The following NR2C1 variants were observed in gnomAD, a reference collection of about 807,000 sequenced individuals.
NR2C1 encodes TR2 nuclear hormone receptor.
A neutral mutation model predicts 74.8 loss-of-function variants in NR2C1; 33 were observed. That is an observed-to-expected ratio of 0.44 (90% CI 0.33 to 0.59). The LOEUF is 0.59. Among genes scored for constraint, NR2C1 ranks in the 20% least tolerant of loss-of-function variants. The pLI is 0.02. For synonymous variants in NR2C1, 225 were observed against 240.6 expected (o/e 0.94, Z 0.60); for missense variants, 568 against 715.6 (o/e 0.79, Z 2.35).
chr12:95,056,445 C>G, intron 7 of NR2C1, among the ~76,000 whole-genome samples: 1 of 152,124 alleles, frequency 6.6e-6, no homozygotes, highest in Non-Finnish European at 1.5e-5. Flanking sequence ...GACCCTTGGT[C>G]TAACATAGAG....
At chr12:95,057,291 G>A (rs1367538851) in intron 7 of NR2C1, among the ~76,000 whole-genome samples, 5 of 151,682 alleles carry the variant, frequency 3.3e-5, no homozygotes, top group African/African-American at 4.8e-5. Context: ...TTTTACTGGA[G>A]ACGGGGTTTC....
chr12:95,041,612 T>C (rs1448535235), intron 9 of NR2C1, among the ~76,000 whole-genome samples: 1 of 152,212 alleles, frequency 6.6e-6, no homozygotes, highest in Non-Finnish European at 1.5e-5. Context: ...TTCTTTAAAA[T>C]GTCTGACCAC....
intron 11 of NR2C1, 113 bp downstream of exon 11, chr12:95,031,236 G>T: frequency 1.2e-6 from 1 of 829,760 alleles, no homozygotes; most frequent in Non-Finnish European, 1.7e-6. Flanking sequence ...GAAGAGCATT[G>T]GTACCTAAAA....
chr12:95,069,615 G>A (rs1241550472), intron 1 of NR2C1, among the ~76,000 whole-genome samples: 1 of 152,156 alleles, frequency 6.6e-6, no homozygotes, highest in Non-Finnish European at 1.5e-5. Flanking sequence ...ACTTAGGGAT[G>A]CTTTTCTCAG....
chr12:95,064,298 C>A, intron 2 of NR2C1, among the ~76,000 whole-genome samples: 1 of 147,054 alleles, frequency 6.8e-6, no homozygotes, highest in South Asian at 2.1e-4. Context: ...CAATGCACTC[C>A]AGCCTGGGTG....
chr12:95,069,544 G>GT (rs906943462), intron 1 of NR2C1, among the ~76,000 whole-genome samples: 1 of 152,192 alleles, frequency 6.6e-6, no homozygotes, highest in African/African-American at 2.4e-5. Flanking sequence ...TATGTGTATG[G>GT]TAAGTTATAC....
intron 10 of NR2C1, among the ~76,000 whole-genome samples, chr12:95,036,272 T>TAAAAAAA (rs368229386): frequency 2.4e-5 from 3 of 127,210 alleles, no homozygotes; most frequent in African/African-American, 8.9e-5. Context: ...ATGTTGAGAT[T>TAAAAAAA]AAAAAAAAAA....
chr12:95,022,704 T>TG (rs986799963), intron 13 of NR2C1, among the ~76,000 whole-genome samples: 4 of 151,446 alleles, frequency 2.6e-5, no homozygotes, highest in African/African-American at 9.7e-5. Context: ...TATACAATTT[T>TG]TTTTTTTTTT....
rs1345984768 is a variant in NR2C1, at chr12:95,048,521, T to TA, written c.1131+546dup. 4.6e-5 allele frequency among the ~76,000 whole-genome samples: 7 copies of TA among 152,336 alleles called. No homozygotes were observed. The East Asian group carries it at 1.3e-3, about 29-fold the overall frequency. ...CCATTATCTTATCTACATAAGGCTT[T>TA]AGCCTCCTGCATAGATGCACACTAA... On this transcript the variant is annotated intron_variant, in intron 9 of 13. Transcript: ENST00000333003.
rs1240041838 is a variant in NR2C1 at position 95,051,892 on chromosome 12, A to C, written c.835T>G (p.Leu279Val). ...LSTLANVVTS[L>V]ANLGKTKDLS... is the part of the protein sequence containing the mutation. ...TCTTTAGTTTTTCCAAGATTCGCTA[A>C]TGATGTAACCACATTGGCCAATGTA... The change falls in exon 8 of 14, where the codon TTA becomes GTA. Residue 279 changes from leucine to valine, a missense_variant. Leu to Val is a conservative substitution (Grantham distance 32, BLOSUM62 1). Coordinates refer to ENST00000333003, the MANE Select transcript of NR2C1 (RefSeq NM_003297.4). 1 of 1,611,784 alleles carries C rather than the reference A, an allele frequency of 6.2e-7. No homozygotes were observed. The highest frequency in any genetic ancestry group is 1.1e-5 in the South Asian group (1 of 90,800).
chr12:95,025,540 C>A (rs139317308), intron 12 of NR2C1, among the ~76,000 whole-genome samples: 15 of 151,368 alleles, frequency 9.9e-5, no homozygotes, highest in African/African-American at 3.6e-4. Context: ...TGCCTGTAAT[C>A]CAAGCTACTC....
chr12:95,064,962 C>T (rs1481664132), intron 2 of NR2C1, among the ~76,000 whole-genome samples: 2 of 152,182 alleles, frequency 1.3e-5, no homozygotes, highest in Non-Finnish European at 2.9e-5. Context: ...ATAGTTCATA[C>T]TGACTTCTTA....
At chr12:95,057,325 G>A (rs1874066427) in intron 7 of NR2C1, among the ~76,000 whole-genome samples, 1 of 151,300 alleles carries the variant, frequency 6.6e-6, no homozygotes, top group East Asian at 2.0e-4. Context: ...GGCTGGTCTT[G>A]AACTTCTGAC....
intron 9 of NR2C1, among the ~76,000 whole-genome samples, chr12:95,047,725 T>C (rs1872487573): frequency 6.6e-6 from 1 of 152,218 alleles, no homozygotes; most frequent in Non-Finnish European, 1.5e-5. Context: ...TACATCTTGC[T>C]AAGAGTATCC....
intron 2 of NR2C1, among the ~76,000 whole-genome samples, chr12:95,063,527 G>A (rs1408776458): frequency 2.6e-5 from 4 of 152,120 alleles, no homozygotes; most frequent in Admixed American, 1.3e-4. Context: ...TGGAGCAGAG[G>A]AGTGACAGGA....
At chr12:95,044,998 G>A (rs540357022) in intron 9 of NR2C1, among the ~76,000 whole-genome samples, 1 of 152,280 alleles carries the variant, frequency 6.6e-6, no homozygotes, top group East Asian at 1.9e-4. Flanking sequence ...GTGGCCAGGA[G>A]TTTGAGACCA....
At chr12:95,057,671 C>T (rs747950865) in intron 6 of NR2C1, 28 bp from the exon 7 acceptor site, 2 of 1,612,750 alleles carry the variant, frequency 1.2e-6, no homozygotes, top group South Asian at 2.2e-5. Context: ...AAATTTTGGC[C>T]TGAGTTTCAT....
At chr12:95,031,263 A>G (rs900215510) in intron 11 of NR2C1, 86 bp downstream of exon 11, 1 of 1,083,240 alleles carries the variant, frequency 9.2e-7, no homozygotes, top group Non-Finnish European at 1.3e-6. Context: ...TATAATAATT[A>G]TTAGATATCT....
At chr12:95,029,900 A>G (rs1413163683) in intron 11 of NR2C1, among the ~76,000 whole-genome samples, 1 of 150,150 alleles carries the variant, frequency 6.7e-6, no homozygotes, top group Non-Finnish European at 1.5e-5. Flanking sequence ...AATGGTTCTC[A>G]CTCTGTTGTC....
Sources: gnomAD v4.1 joint callset for allele counts (sites outside exome capture counted in the v4.1 genomes callset) on GRCh38, gnomAD v4.1.1 for gene constraint, MANE v1.5 for transcripts, NCBI Gene and HGNC (gene_info 2026-07-23, HGNC 2026-07-21) for gene names.